The following CPVL variants were observed in gnomAD, a reference collection of about 807,000 sequenced individuals.
CPVL encodes carboxypeptidase vitellogenic like.
A neutral mutation model predicts 63.7 loss-of-function variants in CPVL; 51 were observed. That is an observed-to-expected ratio of 0.80 (90% CI 0.64 to 1.01). CPVL has a LOEUF of 1.01. Among genes scored for constraint, CPVL ranks in the 50% least tolerant of loss-of-function variants. CPVL has a pLI of 0.00. For synonymous variants in CPVL, 195 were observed against 206.0 expected (o/e 0.95, Z 0.46); for missense variants, 530 against 573.1 (o/e 0.92, Z 0.77).
rs1038595717 is a variant in CPVL, at chr7:28,995,852, G to A, written c.1351C>T (p.Pro451Ser). Residue 451 changes from proline (P) to serine (S), a missense_variant, in exon 13 of 13, where the codon CCC becomes TCC. Physicochemically the swap from Pro to Ser is moderately conservative, Grantham distance 74 (BLOSUM62 -1). Transcript: ENST00000265394. The part of the protein sequence containing the change: ...VIIRGGGHIL[P>S]YDQPLRAFDM... ...AAAGCTCTCAGAGGCTGGTCATAGG[G>A]TAAAATATGTCCTCCACCTCGAATA... The A allele has an allele frequency of 8.1e-6, 13 of 1,599,370 alleles. No individual in the cohort carries two copies. Among genetic ancestry groups the A allele is most frequent in the Non-Finnish European group, 1.1e-5 (13 of 1,174,904 alleles).
chr7:29,054,813 G>A (rs1333959596), intron 11 of CPVL, among the ~76,000 whole-genome samples: 2 of 151,852 alleles, frequency 1.3e-5, no homozygotes, highest in African/African-American at 4.8e-5. Flanking sequence ...TTCTTCCTGT[G>A]TTCCATTTTG....
intron 3 of CPVL, among the ~76,000 whole-genome samples, chr7:29,111,901 C>G (rs953363471): frequency 6.6e-6 from 1 of 152,168 alleles, no homozygotes; most frequent in Non-Finnish European, 1.5e-5. Flanking sequence ...TAAAACAAAT[C>G]CAATTTGGAG....
At chr7:28,996,135 T>C (rs1784032714) in intron 12 of CPVL, 1 of 377,212 alleles carries the variant, frequency 2.7e-6, no homozygotes, top group Non-Finnish European at 4.7e-6. Flanking sequence ...GTGTAAAAAT[T>C]GAAAATTATT....
intron 3 of CPVL, among the ~76,000 whole-genome samples, chr7:29,102,412 C>T (rs1245586028): frequency 4.0e-5 from 6 of 151,436 alleles, no homozygotes; most frequent in Non-Finnish European, 8.8e-5. Context: ...AGATTAAGTA[C>T]TTAAAGAAGG....
intron 7 of CPVL, 22 bp from the exon 8 acceptor site, chr7:29,072,445 A>G: frequency 6.2e-7 from 1 of 1,608,512 alleles, no homozygotes; most frequent in Non-Finnish European, 8.5e-7. Context: ...AGATGTTGAA[A>G]TGGCCAATCA....
chr7:29,160,250 T>C (rs2128708329), intron 5 of CPVL, among the ~76,000 whole-genome samples: 1 of 152,196 alleles, frequency 6.6e-6, no homozygotes, highest in East Asian at 1.9e-4. Flanking sequence ...TGCCAGATGT[T>C]CACGGTGACA....
At chr7:29,146,571 C>T (rs1380155416), upstream of CPVL, 4 of 1,547,048 alleles carry the variant, frequency 2.6e-6, no homozygotes, top group East Asian at 7.3e-5. Flanking sequence ...TTTAAGCGCT[C>T]CTCTAGGCTC....
At chr7:29,016,279 A>T (rs1186525661) in intron 12 of CPVL, among the ~76,000 whole-genome samples, 4 of 151,370 alleles carry the variant, frequency 2.6e-5, no homozygotes, top group African/African-American at 7.3e-5. Flanking sequence ...TGAACCCAGG[A>T]GGTGGAGGTT....
intron 9 of CPVL, among the ~76,000 whole-genome samples, chr7:29,066,665 CA>C (rs1783164513): frequency 6.6e-6 from 1 of 152,198 alleles, no homozygotes; most frequent in Admixed American, 6.5e-5. Flanking sequence ...GGTGCCTTAA[CA>C]TGGATCATGA....
chr7:29,082,634 T>TG (rs2128591678), intron 7 of CPVL: 1 of 152,318 alleles, frequency 6.6e-6, no homozygotes, highest in East Asian at 1.9e-4. Flanking sequence ...CTCCTGACAA[T>TG]GGCATCTCTA....
chr7:29,118,330 A>C (rs1307357715), intron 2 of CPVL, among the ~76,000 whole-genome samples: 3 of 152,220 alleles, frequency 2.0e-5, no homozygotes, highest in African/African-American at 7.2e-5. Context: ...ATTTACTGTT[A>C]ATGAACAGAA....
chr7:29,151,512 G>A (rs906224180), upstream of CPVL, among the ~76,000 whole-genome samples: 1 of 152,208 alleles, frequency 6.6e-6, no homozygotes, highest in Non-Finnish European at 1.5e-5. Flanking sequence ...AGCTGAGCAA[G>A]CCCTGTGTAA....
chr7:29,055,193 G>T (rs1255509503), intron 11 of CPVL, among the ~76,000 whole-genome samples: 2 of 152,044 alleles, frequency 1.3e-5, no homozygotes, highest in Non-Finnish European at 2.9e-5. Flanking sequence ...TGTTGAAAAT[G>T]GCTTTATATT....
At chr7:29,028,202 C>G (rs563479268) in intron 12 of CPVL, among the ~76,000 whole-genome samples, 41 of 152,278 alleles carry the variant, frequency 2.7e-4, no homozygotes, top group Non-Finnish European at 4.4e-4. Flanking sequence ...GGAAAGGACA[C>G]CCTCTTCAAT....
chr7:29,089,782 T>A (rs1049407487), intron 6 of CPVL, among the ~76,000 whole-genome samples: 1 of 152,178 alleles, frequency 6.6e-6, no homozygotes, highest in Admixed American at 6.5e-5. Flanking sequence ...GCAGTAGCCC[T>A]GCAGGAGCAG....
At chr7:29,146,638 C>G, upstream of CPVL, 3 of 1,550,516 alleles carry the variant, frequency 1.9e-6, no homozygotes, top group South Asian at 1.2e-5. Flanking sequence ...CCTCCTGGTC[C>G]CAGAAACCTG....
At chr7:29,119,245 G>A (rs950694583) in intron 2 of CPVL, among the ~76,000 whole-genome samples, 2 of 152,192 alleles carry the variant, frequency 1.3e-5, no homozygotes. Context: ...CCAGCACTTT[G>A]GGAGGCCAAG....
At chr7:29,078,952 A>G (rs1029075582) in intron 7 of CPVL, among the ~76,000 whole-genome samples, 3 of 152,262 alleles carry the variant, frequency 2.0e-5, no homozygotes, top group Admixed American at 1.3e-4. Flanking sequence ...GAGATTTGTC[A>G]TAGGTTCAAG....
Position 29,064,091 on chromosome 7 carries a change from T to C in CPVL, c.1107A>G (p.Pro369=), listed in dbSNP as rs35234138. The C allele has an allele frequency of 1.2e-3, 1,958 of 1,612,970 alleles. 23 individuals carry two copies. The African/African-American group carries it at 0.023, about 19-fold the overall frequency. Reference sequence around the variant, plus strand: ...AATTATTCATGATTTCAGTTAACCATGGCTTAACTGACTGTACTGTATCTT... The same window carrying C: ...AATTATTCATGATTTCAGTTAACCACGGCTTAACTGACTGTACTGTATCTT... ...LREDTVQSVK[P]WLTEIMNNYK... The change falls in exon 11 of 13, where the codon CCA becomes CCG. Residue 369 remains proline (P), a synonymous_variant. Transcript: ENST00000265394.
Sources: gnomAD v4.1 joint callset for allele counts (sites outside exome capture counted in the v4.1 genomes callset) on GRCh38, gnomAD v4.1.1 for gene constraint, MANE v1.5 for transcripts, NCBI Gene and HGNC (gene_info 2026-07-23, HGNC 2026-07-21) for gene names.